The following FOXK1 variants were observed in gnomAD, a reference collection of about 807,000 sequenced individuals.
FOXK1 encodes forkhead box protein K1.
FOXK1 carries 19 observed loss-of-function variants against 51.9 expected under a neutral mutation model. That is an observed-to-expected ratio of 0.37 (90% CI 0.26 to 0.54). The LOEUF (loss-of-function observed/expected upper bound fraction) is 0.54, where lower values mean the gene tolerates loss of function less well. FOXK1 is among the 20% of genes least tolerant of loss of function. The pLI is 0.87. For synonymous variants in FOXK1, 537 were observed against 482.6 expected, an observed-to-expected ratio of 1.11 and a Z score of -1.48; for missense variants, 870 against 1,032.7, an observed-to-expected ratio of 0.84 and a Z score of 2.16.
chr7:4,708,593 C>T (rs575100265), intron 1 of FOXK1, among the ~76,000 whole-genome samples: 1 of 152,182 alleles, frequency 6.6e-6, no homozygotes, highest in Admixed American at 6.5e-5. Flanking sequence ...CAATTTGCCC[C>T]GAATGGTATA....
chr7:4,690,293 G>A (rs1779875612), intron 1 of FOXK1, among the ~76,000 whole-genome samples: 1 of 152,254 alleles, frequency 6.6e-6, no homozygotes, highest in South Asian at 2.1e-4. Flanking sequence ...GCGGAACGGG[G>A]TGAAGCTTTA....
At chr7:4,705,716 T>G (rs1327804011) in intron 1 of FOXK1, among the ~76,000 whole-genome samples, 1 of 151,406 alleles carries the variant, frequency 6.6e-6, no homozygotes, top group African/African-American at 2.4e-5. Context: ...TTTTTGTATT[T>G]TTAGTAGAGA....
intron 2 of FOXK1, among the ~76,000 whole-genome samples, chr7:4,750,879 T>C (rs1402753400): frequency 6.6e-6 from 1 of 151,918 alleles, no homozygotes; most frequent in Non-Finnish European, 1.5e-5. Flanking sequence ...TGATTTTGCA[T>C]TTTCAGTAGA....
At chr7:4,701,158 C>T (rs182963131) in intron 1 of FOXK1, among the ~76,000 whole-genome samples, 9 of 152,160 alleles carry the variant, frequency 5.9e-5, no homozygotes, top group South Asian at 2.1e-4. Flanking sequence ...AAGCTCCCTG[C>T]GGCTGTGAAG....
intron 2 of FOXK1, among the ~76,000 whole-genome samples, chr7:4,742,008 A>G (rs1409171366): frequency 6.6e-6 from 1 of 152,238 alleles, no homozygotes; most frequent in Non-Finnish European, 1.5e-5. Flanking sequence ...CATTGCGGAC[A>G]TTTCTAAACG....
At position 4,770,868 on chromosome 7, in the gene FOXK1, T is replaced by A. The variant is rs1441153270; in HGVS notation, c.*8404T>A. 2.3e-5 allele frequency: 1 copy of A among 42,620 alleles called. No individual in the cohort carries two copies. The highest frequency in any genetic ancestry group is 5.9e-5 in the Non-Finnish European group (1 of 17,078). 2.6% of individuals were successfully genotyped at this position (42,620 alleles called of 1,614,324 possible). ...TGGGAGGGGCGGGTGTTGTTCGGTG[T>A]GTGTGTGTGTGTGTGTGTGTGTGTG... On this transcript the variant is annotated 3_prime_UTR_variant, in exon 9 of 9. Coordinates refer to ENST00000328914, the MANE Select transcript of FOXK1 (RefSeq NM_001037165.2).
chr7:4,725,255 C>A (rs1427160905), intron 1 of FOXK1, among the ~76,000 whole-genome samples: 1 of 152,254 alleles, frequency 6.6e-6, no homozygotes, highest in East Asian at 1.9e-4. Flanking sequence ...GGCTTTGGCC[C>A]AGGTGGCCGG....
rs1287556799 is a variant in FOXK1 at position 4,762,420 on chromosome 7, G to A, written c.2158G>A (p.Val720Met). Residue 720 changes from valine to methionine, a missense_variant, in exon 9 of 9, where the codon GTG becomes ATG. Physicochemically the swap from Val to Met is conservative, Grantham distance 21 (BLOSUM62 1). Coordinates refer to ENST00000328914, the MANE Select transcript of FOXK1 (RefSeq NM_001037165.2). This position sits in a 1 kb window ranked among gnomAD's most constrained non-coding sequence, Gnocchi z 5.7. ...TGGTGCTGTAACCACACCGGCTGGA[G>A]TGATCGCAGCTGCCGGCCCCCAGGG... ...PSGAVTTPAG[V>M]IAAAGPQGPG... 1.9e-6 allele frequency: 3 copies of A among 1,549,182 alleles called. No homozygotes were observed. The highest frequency in any genetic ancestry group is 2.0e-5 in the Admixed American group (1 of 51,214).
intron 1 of FOXK1, among the ~76,000 whole-genome samples, chr7:4,701,835 G>A (rs1479912713): frequency 3.3e-5 from 5 of 152,264 alleles, no homozygotes; most frequent in Non-Finnish European, 7.3e-5. Flanking sequence ...GGAGTTTGCA[G>A]TGAGCGGAGA....
At position 4,682,915 on chromosome 7, in the gene FOXK1, C is replaced by G; in HGVS notation, c.560+47C>G. On this transcript the variant is annotated intron_variant, in intron 1 of 8. Transcript: ENST00000328914. The surrounding 1 kb of genome is among the most constrained non-coding windows in gnomAD (Gnocchi z 7.6). Reference sequence around the variant, plus strand: ...GCCGCCCGCACCCGGGGCTCGCCCACGACCTCGATCTCTGAGGCCCGGGCC... The same window carrying G: ...GCCGCCCGCACCCGGGGCTCGCCCAGGACCTCGATCTCTGAGGCCCGGGCC... 3.6e-6 allele frequency: 5 copies of G among 1,407,034 alleles called. No individual in the cohort carries two copies. The highest frequency in any genetic ancestry group is 4.6e-6 in the Non-Finnish European group (5 of 1,076,006). The allele number at this position is 1,407,034 out of a possible 1,614,324, so 87.2% of individuals were successfully genotyped here. A position where few individuals can be genotyped will look rare whatever the true frequency, so the allele number is the denominator to read the frequency against.
At chr7:4,688,629 T>C (rs1323488119) in intron 1 of FOXK1, among the ~76,000 whole-genome samples, 1 of 152,112 alleles carries the variant, frequency 6.6e-6, no homozygotes, top group Non-Finnish European at 1.5e-5. Flanking sequence ...TCCAGTGATC[T>C]GCCCGCCTCA....
In FOXK1 at chr7:4,755,466, A is replaced by C. The variant is rs1046429997; in HGVS notation, c.1050+83A>C. 3.2e-6 allele frequency: 5 copies of C among 1,549,824 alleles called. No homozygotes were observed. Among genetic ancestry groups the C allele is most frequent in the Admixed American group, 3.6e-5 (2 of 55,202 alleles). ...ACAGGCATATTGCTTCCCTTAAAAC[A>C]GAAGAGGGCCAGTGAGGGGGCTCAC... On this transcript the variant is annotated intron_variant, in intron 4 of 8. Transcript: ENST00000328914. The surrounding 1 kb of genome is among the most constrained non-coding windows in gnomAD (Gnocchi z 6.6).
rs1488101860 is a variant in FOXK1 at position 4,730,359 on chromosome 7, T to C, written c.561-10479T>C. On this transcript the variant is annotated intron_variant, in intron 1 of 8. Transcript: ENST00000328914. This position sits in a 1 kb window ranked among gnomAD's most constrained non-coding sequence, Gnocchi z 4.7. ...AGAGCTGTGTCTCTGACCACCCTGCTACCCAGCTTGCCACCGCTGTCAGCC... is the reference window on the plus strand; with the variant it reads ...AGAGCTGTGTCTCTGACCACCCTGCCACCCAGCTTGCCACCGCTGTCAGCC... Among the ~76,000 whole-genome samples, 1 of 152,228 alleles carries C rather than the reference T, an allele frequency of 6.6e-6. No homozygotes were observed. The highest frequency in any genetic ancestry group is 1.5e-5 in the Non-Finnish European group (1 of 68,038).
chr7:4,724,187 G>A (rs1042886902), intron 1 of FOXK1, among the ~76,000 whole-genome samples: 2 of 151,688 alleles, frequency 1.3e-5, no homozygotes, highest in African/African-American at 2.4e-5. Flanking sequence ...GTGTTTTGGG[G>A]GTGGTTGTTG....
intron 1 of FOXK1, among the ~76,000 whole-genome samples, chr7:4,704,988 C>T (rs907437067): frequency 6.6e-6 from 1 of 151,442 alleles, no homozygotes; most frequent in African/African-American, 2.4e-5. Flanking sequence ...CATGCCACCA[C>T]GCCCGGCTAA....
chr7:4,709,063 CAA>C lies in FOXK1; in HGVS notation c.560+26210_560+26211del, dbSNP rs111595744. On this transcript the variant is annotated intron_variant, in intron 1 of 8. Coordinates refer to ENST00000328914, the MANE Select transcript of FOXK1 (RefSeq NM_001037165.2). This position sits in a 1 kb window ranked among gnomAD's most constrained non-coding sequence, Gnocchi z 5.6. Reference sequence around the variant, plus strand: ...CTGGGCAATGAGCGAGACTCTGTCTCAAAAAAAAAAAAAAAAGAAAAGAAAAG... The same window carrying C: ...CTGGGCAATGAGCGAGACTCTGTCTCAAAAAAAAAAAAAAGAAAAGAAAAG... 1.5e-4 allele frequency among the ~76,000 whole-genome samples: 10 copies of C among 65,136 alleles called. No individual in the cohort carries two copies. The highest frequency in any genetic ancestry group is 1.8e-4 in the Admixed American group (1 of 5,620). The allele number at this position is 65,136 out of a possible 152,430, so 42.7% of individuals were successfully genotyped here.
At chr7:4,693,279 A>C (rs1261712524) in intron 1 of FOXK1, among the ~76,000 whole-genome samples, 1 of 152,218 alleles carries the variant, frequency 6.6e-6, no homozygotes, top group African/African-American at 2.4e-5. Context: ...CTGTTTTTAA[A>C]AACAGAAATC....
At position 4,759,176 on chromosome 7, in the gene FOXK1, T is replaced by C. The variant is rs1780895819; in HGVS notation, c.1370T>C (p.Leu457Ser). The C allele has an allele frequency of 6.2e-7, 1 of 1,612,742 alleles. No individual in the cohort carries two copies. The highest frequency in any genetic ancestry group is 2.2e-5 in the East Asian group (1 of 44,834). The change falls in exon 6 of 9, where the codon TTA (leucine) becomes TCA (serine). Residue 457 changes from leucine (L) to serine (S), a missense_variant. This residue lies in a region of FOXK1 where 457 missense variants were observed against 510.8 expected (regional missense o/e 0.89). Transcript: ENST00000328914. ...IPHDPEFGSK[L>S]ASVPEYRYSQ... Reference sequence around the variant, plus strand: ...CACGACCCTGAGTTTGGGTCCAAGTTAGCTTCTGTCCCAGAGTACCGGTAT... The same window carrying C: ...CACGACCCTGAGTTTGGGTCCAAGTCAGCTTCTGTCCCAGAGTACCGGTAT...
intron 1 of FOXK1, among the ~76,000 whole-genome samples, chr7:4,691,317 T>A (rs1487192036): frequency 6.6e-6 from 1 of 152,208 alleles, no homozygotes; most frequent in East Asian, 1.9e-4. Flanking sequence ...CTCCTAAGAA[T>A]ACTTTTCAGG....
Sources: gnomAD v4.1 joint callset for allele counts (sites outside exome capture counted in the v4.1 genomes callset) on GRCh38, gnomAD v4.1.1 for gene constraint, gnomAD v4.1.1 regional missense constraint, Gnocchi (gnomAD v3.1) non-coding constraint, MANE v1.5 for transcripts, NCBI Gene and HGNC (gene_info 2026-07-23, HGNC 2026-07-21) for gene names.